The following ABTB1 variants were observed in gnomAD, a reference collection of about 807,000 sequenced individuals.
ABTB1 encodes ankyrin repeat and BTB/POZ domain-containing protein 1.
ABTB1 carries 45 observed loss-of-function variants against 57.1 expected under a neutral mutation model. The ratio of observed to expected loss-of-function variants is 0.79; its 90% confidence interval spans 0.62 to 1.01. The LOEUF is 1.01. Among genes scored for constraint, ABTB1 ranks in the 50% least tolerant of loss-of-function variants. ABTB1 has a pLI of 0.00. For synonymous variants in ABTB1, 302 were observed against 275.4 expected (o/e 1.10, Z -0.95); for missense variants, 630 against 666.3 (o/e 0.95, Z 0.60).
Position 127,680,032 on chromosome 3 carries a change from C to G in ABTB1, c.1077C>G (p.Tyr359Ter). The G allele has an allele frequency of 1.2e-6, 2 of 1,613,776 alleles. No individual in the cohort carries two copies. The highest frequency in any genetic ancestry group is 1.7e-5 in the Admixed American group (1 of 60,030). Residue 359 changes from tyrosine (Y) to a stop codon, truncating the protein, a stop_gained, in exon 11 of 12, where the codon TAC (tyrosine) becomes TAG (stop). Transcript: ENST00000232744. LOFTEE classifies it high-confidence loss of function. Reference sequence around the variant, plus strand: ...ATGTGCTGAGCGTCGCCGACATGTACCTGCTGCCAGGCCTGAAGAGGCTGT... The same window carrying G: ...ATGTGCTGAGCGTCGCCGACATGTAGCTGCTGCCAGGCCTGAAGAGGCTGT... The part of the protein sequence containing the change: ...AYDVLSVADM[Y>*]LLPGLKRLCG...
chr3:127,677,599 C>CGTTG, intron 9 of ABTB1, 36 bp downstream of exon 9: 1 of 1,613,584 alleles, frequency 6.2e-7, no homozygotes, highest in Non-Finnish European at 8.5e-7. Context: ...GGCCCCAGCC[C>CGTTG]GTTGCCCTGA....
At chr3:127,675,741 C>G (rs985811948) in intron 3 of ABTB1, 9 of 593,450 alleles carry the variant, frequency 1.5e-5, no homozygotes, top group Non-Finnish European at 2.4e-5. Flanking sequence ...TCTGTGTTGT[C>G]TGTCTTCCGT....
intron 9 of ABTB1, 31 bp downstream of exon 9, chr3:127,677,594 C>A: frequency 6.2e-7 from 1 of 1,613,728 alleles, no homozygotes. Context: ...CCCCTGGCCC[C>A]AGCCCGTTGC....
chr3:127,673,004 C>G lies in ABTB1; in HGVS notation c.-22C>G. The G allele has an allele frequency of 1.3e-6, 2 of 1,552,940 alleles. No homozygotes were observed. On this transcript the variant is annotated 5_prime_UTR_variant, in exon 1 of 12. Coordinates refer to ENST00000232744, the MANE Select transcript of ABTB1 (RefSeq NM_172027.3). The stretch of plus-strand genomic sequence containing the variant: ...GGCTTCGCCGCCCGAGGTCGTTCGG[C>G]TCGGGTACCATCCTCCGCGCCATGG...
rs1031305879 is a variant in ABTB1 at position 127,674,535 on chromosome 3, C to G, written c.120-10C>G. On this transcript the variant is annotated splice_polypyrimidine_tract_variant and intron_variant, in intron 2 of 11. Transcript: ENST00000232744. ...GAGGACTGCCTCCTGTACTTCCTTCCTCCCTTCAGGTACTATGCCTGCTTG... is the reference window on the plus strand; with the variant it reads ...GAGGACTGCCTCCTGTACTTCCTTCGTCCCTTCAGGTACTATGCCTGCTTG... The G allele has an allele frequency of 5.6e-6, 9 of 1,613,988 alleles. No homozygotes were observed. In the African/African-American group the frequency reaches 1.1e-4, roughly 19 times the overall value.
intron 3 of ABTB1, 52 bp downstream of exon 3, chr3:127,674,652 C>CGTGTGGGTGCATGCAT: frequency 6.2e-7 from 1 of 1,604,750 alleles, no homozygotes; most frequent in Non-Finnish European, 8.5e-7. Context: ...TGCATGTGTG[C>CGTGTGGGTGCATGCAT]GTGTGGGTGC....
chr3:127,679,043 C>A (rs1202758345), intron 10 of ABTB1: 2 of 159,364 alleles, frequency 1.3e-5, no homozygotes, highest in African/African-American at 2.4e-5. Context: ...CAGCTCAGCC[C>A]AGCTCTCTGG....
intron 10 of ABTB1, chr3:127,679,336 G>T: frequency 2.9e-6 from 1 of 348,048 alleles, no homozygotes; most frequent in Non-Finnish European, 5.8e-6. Context: ...ATGGCACATG[G>T]CTTGTAATGT....
rs773986937 is a variant in ABTB1, at chr3:127,680,038, G to C, written c.1083G>C (p.Leu361=). The C allele has an allele frequency of 1.2e-6, 2 of 1,613,772 alleles. No homozygotes were observed. Among genetic ancestry groups the C allele is most frequent in the Admixed American group, 3.3e-5 (2 of 60,030 alleles). The change falls in exon 11 of 12, where the codon CTG becomes CTC. Residue 361 remains leucine, a synonymous_variant. Coordinates refer to ENST00000232744, the MANE Select transcript of ABTB1 (RefSeq NM_172027.3). ...TGAGCGTCGCCGACATGTACCTGCT[G>C]CCAGGCCTGAAGAGGCTGTGCGGCC... ...DVLSVADMYL[L]PGLKRLCGRS...
In ABTB1 at chr3:127,680,002, C is replaced by T; in HGVS notation, c.1047C>T (p.Ala349=). Residue 349 remains alanine (A), a synonymous_variant, in exon 11 of 12, where the codon GCC becomes GCT. Transcript: ENST00000232744. ...CACTGCAGCTGTCCCCCGAGGCAGC[C>T]TATGATGTGCTGAGCGTCGCCGACA... ...SDHTELSPEA[A]YDVLSVADMY... The T allele has an allele frequency of 1.2e-6, 2 of 1,613,602 alleles. No homozygotes were observed.
rs766654502 is a variant in ABTB1, at chr3:127,676,117, G to A, written c.320+3G>A. 1.2e-6 allele frequency: 2 copies of A among 1,613,028 alleles called. No homozygotes were observed. The highest frequency in any genetic ancestry group is 1.7e-6 in the Non-Finnish European group (2 of 1,179,824). On this transcript the variant is annotated splice_donor_region_variant and intron_variant, in intron 4 of 11. Coordinates refer to ENST00000232744, the MANE Select transcript of ABTB1 (RefSeq NM_172027.3). This position sits in a 1 kb window ranked among gnomAD's most constrained non-coding sequence, Gnocchi z 5.4. ...TACTATGACGACTTCTTGCAGCGGT[G>A]AGCCAGGGCACACGAGGGGTGCAGC...
At chr3:127,678,914 CAG>C in intron 10 of ABTB1, 1 of 152,474 alleles carries the variant, frequency 6.6e-6, no homozygotes, top group South Asian at 2.1e-4. Context: ...TGCTGGGAGA[CAG>C]AGGGCAGTCC....
chr3:127,678,710 GGT>G (rs2075051082), intron 10 of ABTB1: 1 of 152,178 alleles, frequency 6.6e-6, no homozygotes, highest in African/African-American at 2.4e-5. Context: ...ATGGAGATTG[GGT>G]CCTAGGCAAA....
At position 127,676,367 on chromosome 3, in the gene ABTB1, A is replaced by C. The variant is rs1467704320; in HGVS notation, c.416A>C (p.Tyr139Ser). Residue 139 changes from tyrosine to serine, a missense_variant, in exon 5 of 12, where the codon TAC becomes TCC. This residue lies in a region of ABTB1 where 579 missense variants were observed against 585.9 expected (regional missense o/e 0.99). Transcript: ENST00000232744. This position sits in a 1 kb window ranked among gnomAD's most constrained non-coding sequence, Gnocchi z 5.4. ...TGCGTCCTGGGTGCACGTAGTGCCT[A>C]CTTTGCCAACATGCTGGACACCAAA... ...HRCVLGARSA[Y>S]FANMLDTKWK... The C allele has an allele frequency of 6.2e-7, 1 of 1,614,170 alleles. No individual in the cohort carries two copies. The highest frequency in any genetic ancestry group is 8.5e-7 in the Non-Finnish European group (1 of 1,180,022).
In ABTB1 at chr3:127,676,608, G is replaced by T; in HGVS notation, c.526+27G>T. ...TGACCCCCTGGGTCCAGGGTAGGAG[G>T]AGAGGGAGTGGGCCGTCCTTCTGGA... is the stretch of plus-strand genomic sequence containing the variant. On this transcript the variant is annotated intron_variant, in intron 6 of 11. Coordinates refer to ENST00000232744, the MANE Select transcript of ABTB1 (RefSeq NM_172027.3). The surrounding 1 kb of genome is among the most constrained non-coding windows in gnomAD (Gnocchi z 5.4). 6.2e-7 allele frequency: 1 copy of T among 1,612,730 alleles called. No individual in the cohort carries two copies. The highest frequency in any genetic ancestry group is 8.5e-7 in the Non-Finnish European group (1 of 1,179,736).
intron 10 of ABTB1, 70 bp downstream of exon 10, chr3:127,677,913 G>C: frequency 6.5e-7 from 1 of 1,549,288 alleles, no homozygotes; most frequent in East Asian, 2.3e-5. Context: ...GAGCGCCAGG[G>C]CCCTGGGGGT....
chr3:127,674,535 C>T lies in ABTB1; in HGVS notation c.120-10C>T. The T allele has an allele frequency of 6.2e-7, 1 of 1,614,106 alleles. No homozygotes were observed. The highest frequency in any genetic ancestry group is 8.5e-7 in the Non-Finnish European group (1 of 1,179,976). On this transcript the variant is annotated splice_polypyrimidine_tract_variant and intron_variant, in intron 2 of 11. Transcript: ENST00000232744. ...GAGGACTGCCTCCTGTACTTCCTTC[C>T]TCCCTTCAGGTACTATGCCTGCTTG...
chr3:127,679,813 ATC>A, intron 10 of ABTB1, 170 bp from the exon 11 acceptor site: 1 of 371,870 alleles, frequency 2.7e-6, no homozygotes, highest in Non-Finnish European at 5.3e-6. Context: ...CCCTGTGGGA[ATC>A]TGGGCCAGCC....
intron 10 of ABTB1, chr3:127,679,561 C>A: frequency 2.2e-6 from 1 of 460,876 alleles, no homozygotes; most frequent in Non-Finnish European, 4.3e-6. Context: ...CTCTGTCCCA[C>A]CATTCTGACA....
Sources: gnomAD v4.1 joint callset for allele counts on GRCh38, gnomAD v4.1.1 for gene constraint, gnomAD v4.1.1 regional missense constraint, Gnocchi (gnomAD v3.1) non-coding constraint, MANE v1.5 for transcripts, NCBI Gene and HGNC (gene_info 2026-07-23, HGNC 2026-07-21) for gene names.